Variants in SAMD9L observed in about 807,000 individuals in gnomAD.
The protein encoded by SAMD9L is sterile alpha motif domain containing 9 like.
A neutral mutation model predicts 90.7 loss-of-function variants in SAMD9L; 68 were observed. The observed-to-expected ratio is 0.75, with a 90% CI of 0.62 to 0.92. The LOEUF (loss-of-function observed/expected upper bound fraction) is 0.92. SAMD9L is among the 40% of genes least tolerant of loss of function. The pLI, the probability that SAMD9L is intolerant of heterozygous loss-of-function variation, is 0.00. For missense variants in SAMD9L, 1,604 were observed against 1,824.3 expected, an observed-to-expected ratio of 0.88 and a Z score of 2.20; for synonymous variants, 640 against 630.1, an observed-to-expected ratio of 1.02 and a Z score of -0.23.
intron 4 of SAMD9L, among the ~76,000 whole-genome samples, chr7:93,138,877 C>T (rs1792567404): frequency 6.6e-6 from 1 of 152,134 alleles, no homozygotes; most frequent in South Asian, 2.1e-4. Flanking sequence ...GGCCCTGCCT[C>T]ACCTTTTTAC....
At position 93,134,083 on chromosome 7, in the gene SAMD9L, G is replaced by T; in HGVS notation, c.1889C>A (p.Ser630Ter). Residue 630 changes from serine to a stop codon, truncating the protein, a stop_gained, in exon 5 of 5, where the codon TCA becomes TAA. Transcript: ENST00000318238. LOFTEE classifies it high-confidence loss of function. ...ACGGGCGGGCAAAAACCTTCTTGATGACCGAGTCACCGATTTTAGTTTAAG... is the reference window on the plus strand; with the variant it reads ...ACGGGCGGGCAAAAACCTTCTTGATTACCGAGTCACCGATTTTAGTTTAAG... ...TILKLKSVTR[S>*]SRRFLPARGS... 6.2e-7 allele frequency: 1 copy of T among 1,613,886 alleles called. No homozygotes were observed. Among genetic ancestry groups the T allele is most frequent in the South Asian group, 1.1e-5 (1 of 91,046 alleles).
At chr7:93,139,228 C>G (rs1179777660) in intron 4 of SAMD9L, among the ~76,000 whole-genome samples, 1 of 152,138 alleles carries the variant, frequency 6.6e-6, no homozygotes, top group African/African-American at 2.4e-5. Context: ...CTCACCCGAT[C>G]GACTTTTATC....
At chr7:93,140,589 C>T (rs145032098) in intron 4 of SAMD9L, among the ~76,000 whole-genome samples, 22 of 152,350 alleles carry the variant, frequency 1.4e-4, no homozygotes, top group East Asian at 1.9e-4. Flanking sequence ...CTCCTCACCA[C>T]GGTCACCTTG....
At position 93,134,219 on chromosome 7, in the gene SAMD9L, G is replaced by A; in HGVS notation, c.1753C>T (p.His585Tyr). The change falls in exon 5 of 5, where the codon CAT becomes TAT. Residue 585 changes from histidine to tyrosine, a missense_variant. By Grantham distance (83) the His-to-Tyr change is moderately conservative. Around this residue, in one of 7 missense-constraint regions of SAMD9L, gnomAD observed 606 missense variants for 717.6 expected, o/e 0.84. Transcript: ENST00000318238. ...AGATCTTTCCATCGTTGATAAATAT[G>A]TGAGTTTACAGAGATACACAACATA... ...ENMLCISVNS[H>Y]IYQRWKDLLQ... 1.9e-6 allele frequency: 3 copies of A among 1,613,094 alleles called. No homozygotes were observed. The highest frequency in any genetic ancestry group is 2.5e-6 in the Non-Finnish European group (3 of 1,179,532).
chr7:93,136,059 T>C lies in SAMD9L; in HGVS notation c.-20-68A>G, dbSNP rs192228214. 6.0e-4 allele frequency: 629 copies of C among 1,048,662 alleles called. No homozygotes were observed. In the African/African-American group the frequency reaches 9.1e-3, roughly 15 times the overall value. The allele number at this position is 1,048,662 out of a possible 1,614,324, so 65.0% of individuals were successfully genotyped here. On this transcript the variant is annotated intron_variant, in intron 4 of 4. Transcript: ENST00000318238. ...ATTTTTAAAATCACATAGACAATTA[T>C]GTATACATTATCATACAGAAGATAC...
At chr7:93,141,484 C>A (rs1413181248) in intron 4 of SAMD9L, among the ~76,000 whole-genome samples, 2 of 152,142 alleles carry the variant, frequency 1.3e-5, no homozygotes, top group African/African-American at 4.8e-5. Flanking sequence ...CTGATATATG[C>A]CCCTCCCACT....
intron 4 of SAMD9L, among the ~76,000 whole-genome samples, chr7:93,142,760 A>T (rs1214091268): frequency 2.6e-5 from 4 of 152,346 alleles, no homozygotes; most frequent in African/African-American, 9.6e-5. Context: ...TGCTTTAGGC[A>T]ACAAACCCTC....
In SAMD9L at chr7:93,134,865, A is replaced by G. The variant is rs751785417; in HGVS notation, c.1107T>C (p.Asn369=). ...RDVDFKAFLQ[N]LKSLVASRKE... ...TTCTAGATGCTACCAGTGACTTTAA[A>G]TTTTGTAAAAATGCCTTGAAATCTA... is the stretch of plus-strand genomic sequence containing the variant. The change falls in exon 5 of 5, where the codon AAT becomes AAC. Residue 369 remains asparagine, a synonymous_variant. Coordinates refer to ENST00000318238, the MANE Select transcript of SAMD9L (RefSeq NM_152703.5). 1 of 1,613,840 alleles carries G rather than the reference A, an allele frequency of 6.2e-7. No homozygotes were observed. Among genetic ancestry groups the G allele is most frequent in the Non-Finnish European group, 8.5e-7 (1 of 1,179,922 alleles).
chr7:93,130,367 T>C lies in SAMD9L; in HGVS notation c.*850A>G, dbSNP rs544101226. ...ATCAGAATAGCAGGAGAGAGAATGT[T>C]AGATGGAAATAAGGCAATCTCAACA... On this transcript the variant is annotated 3_prime_UTR_variant, in exon 5 of 5. Transcript: ENST00000318238. 1 of 152,248 alleles carries C rather than the reference T, an allele frequency of 6.6e-6. No individual in the cohort carries two copies. Among genetic ancestry groups the C allele is most frequent in the East Asian group, 1.9e-4 (1 of 5,182 alleles). The allele number at this position is 152,248 out of a possible 1,614,324, so 9.4% of individuals were successfully genotyped here. A position where few individuals can be genotyped will look rare whatever the true frequency, so the allele number is the denominator to read the frequency against.
At position 93,133,076 on chromosome 7, in the gene SAMD9L, T is replaced by C; in HGVS notation, c.2896A>G (p.Thr966Ala). ...EPESLEDKMG[T>A]YSTLLIKTEV... ...GTTTTTATTAGAAGTGTAGAATAAG[T>C]TCCCATCTTGTCTTCTAAGCTTTCA... Residue 966 changes from threonine to alanine, a missense_variant, in exon 5 of 5, where the codon ACT becomes GCT. This residue lies in a region of SAMD9L where 606 missense variants were observed against 717.6 expected (regional missense o/e 0.84). Transcript: ENST00000318238. The C allele has an allele frequency of 1.2e-6, 2 of 1,613,464 alleles. No individual in the cohort carries two copies. Among genetic ancestry groups the C allele is most frequent in the South Asian group, 2.2e-5 (2 of 91,066 alleles).
intron 4 of SAMD9L, among the ~76,000 whole-genome samples, chr7:93,141,137 A>G (rs1457692208): frequency 6.6e-6 from 1 of 151,788 alleles, no homozygotes; most frequent in African/African-American, 2.4e-5. Context: ...TCCTTGGATC[A>G]CTCTCCTTGC....
In SAMD9L at chr7:93,135,399, A is replaced by T. The variant is rs747429543; in HGVS notation, c.573T>A (p.Asn191Lys). Residue 191 changes from asparagine (N) to lysine (K), a missense_variant, in exon 5 of 5, where the codon AAT becomes AAA. Physicochemically the swap from Asn to Lys is moderately conservative, Grantham distance 94. Transcript: ENST00000318238. Reference protein sequence around the residue: ...YTLQPETGALNLIDPIHEFKA... With the variant: ...YTLQPETGALKLIDPIHEFKA... ...TGAACTCATGTATTGGATCAATGAG[A>T]TTGAGTGCTCCTGTTTCAGGTTGTA... The T allele has an allele frequency of 7.4e-6, 12 of 1,614,026 alleles. No homozygotes were observed. In the Admixed American group the frequency reaches 1.8e-4, roughly 25 times the overall value.
rs772424179 is a variant in SAMD9L, at chr7:93,135,149, T to A, written c.823A>T (p.Ser275Cys). ...NVMIKKYFEE[S>C]EINEAKKCIR... Reference sequence around the variant, plus strand: ...CACTTCTTGGCTTCATTGATCTCACTTTCTTCAAAATACTTTTTGATCATT... The same window carrying A: ...CACTTCTTGGCTTCATTGATCTCACATTCTTCAAAATACTTTTTGATCATT... Residue 275 changes from serine (S) to cysteine (C), a missense_variant, in exon 5 of 5, where the codon AGT becomes TGT. Ser to Cys is a moderately radical substitution (Grantham distance 112, BLOSUM62 -1). This residue lies in a region of SAMD9L where 374 missense variants were observed against 363.6 expected (regional missense o/e 1.03). Coordinates refer to ENST00000318238, the MANE Select transcript of SAMD9L (RefSeq NM_152703.5). 1.9e-6 allele frequency: 3 copies of A among 1,613,094 alleles called. No individual in the cohort carries two copies. Among genetic ancestry groups the A allele is most frequent in the Non-Finnish European group, 2.5e-6 (3 of 1,179,982 alleles).
At chr7:93,138,479 G>A (rs1792546409) in intron 4 of SAMD9L, among the ~76,000 whole-genome samples, 1 of 152,050 alleles carries the variant, frequency 6.6e-6, no homozygotes, top group Admixed American at 6.6e-5. Context: ...ACAAAGTGTG[G>A]TAGTGCTTTT....
chr7:93,134,154 G>A lies in SAMD9L; in HGVS notation c.1818C>T (p.Asn606=), dbSNP rs2116493293. The A allele has an allele frequency of 6.2e-7, 1 of 1,613,722 alleles. No homozygotes were observed. Among genetic ancestry groups the A allele is most frequent in the Non-Finnish European group, 8.5e-7 (1 of 1,179,796 alleles). The change falls in exon 5 of 5, where the codon AAC becomes AAT. Residue 606 remains asparagine, a synonymous_variant. Coordinates refer to ENST00000318238, the MANE Select transcript of SAMD9L (RefSeq NM_152703.5). The stretch of plus-strand genomic sequence containing the variant: ...CTATATTTAAAGTGGAAATACTGTG[G>A]TTTGTTAGTTCATCTTCCATCTTCA... The part of the protein sequence containing the change: ...TRMKMEDELT[N]HSISTLNIEL...
Position 93,131,076 on chromosome 7 carries a change from G to T in SAMD9L, c.*141C>A. 1.9e-6 allele frequency: 1 copy of T among 536,858 alleles called. No homozygotes were observed. The highest frequency in any genetic ancestry group is 3.2e-6 in the Non-Finnish European group (1 of 312,544). The allele number at this position is 536,858 out of a possible 1,614,324, so 33.3% of individuals were successfully genotyped here. On this transcript the variant is annotated 3_prime_UTR_variant, in exon 5 of 5. Coordinates refer to ENST00000318238, the MANE Select transcript of SAMD9L (RefSeq NM_152703.5). ...CATATTTCATATCTTAAAAAGGCTT[G>T]TAATTCATTCAGGGAGGCAAAAGCA...
In SAMD9L at chr7:93,134,082, T is replaced by A; in HGVS notation, c.1890A>T (p.Ser630=). ...TILKLKSVTR[S]SRRFLPARGS... Reference sequence around the variant, plus strand: ...CACGGGCGGGCAAAAACCTTCTTGATGACCGAGTCACCGATTTTAGTTTAA... The same window carrying A: ...CACGGGCGGGCAAAAACCTTCTTGAAGACCGAGTCACCGATTTTAGTTTAA... The change falls in exon 5 of 5, where the codon TCA becomes TCT. Residue 630 remains serine, a synonymous_variant. Coordinates refer to ENST00000318238, the MANE Select transcript of SAMD9L (RefSeq NM_152703.5). 1 of 1,613,996 alleles carries A rather than the reference T, an allele frequency of 6.2e-7. No individual in the cohort carries two copies. Among genetic ancestry groups the A allele is most frequent in the Non-Finnish European group, 8.5e-7 (1 of 1,179,906 alleles).
chr7:93,143,414 ATGCTCTATTTCTC>A (rs367870344), intron 4 of SAMD9L, among the ~76,000 whole-genome samples: 1,700 of 152,146 alleles, frequency 0.011, 26 homozygotes, highest in African/African-American at 0.039. Flanking sequence ...CTCAGCTACC[ATGCTCTATTTCTC>A]TGCTTTAATC....
At chr7:93,136,234 A>G (rs1792447738) in intron 4 of SAMD9L, among the ~76,000 whole-genome samples, 1 of 152,162 alleles carries the variant, frequency 6.6e-6, no homozygotes, top group Admixed American at 6.5e-5. Flanking sequence ...CTGGTGACAC[A>G]CCTTTTAGCC....
Sources: gnomAD v4.1 joint callset for allele counts (sites outside exome capture counted in the v4.1 genomes callset) on GRCh38, gnomAD v4.1.1 for gene constraint, gnomAD v4.1.1 regional missense constraint, MANE v1.5 for transcripts, NCBI Gene and HGNC (gene_info 2026-07-23, HGNC 2026-07-21) for gene names.